MYO3A: variants seen among roughly 807,000 people sequenced by gnomAD.
MYO3A encodes myosin IIIA.
Under a neutral mutation model 192.7 loss-of-function variants are expected in MYO3A, and 180 were observed. The ratio of observed to expected loss-of-function variants is 0.93; its 90% CI spans 0.83 to 1.06. The LOEUF is 1.06. Among genes scored for constraint, MYO3A ranks in the 50% least tolerant of loss-of-function variants. The probability of loss-of-function intolerance (pLI) is 0.00; values close to 1 mark genes in which losing one functional copy is unlikely to be tolerated. For missense variants in MYO3A, 1,896 were observed against 1,905.0 expected, an observed-to-expected ratio of 1.00 and a Z score of 0.09; for synonymous variants, 628 against 645.3, an observed-to-expected ratio of 0.97 and a Z score of 0.41.
intron 4 of MYO3A, among the ~76,000 whole-genome samples, chr10:25,981,437 A>T (rs551456963): frequency 6.6e-6 from 1 of 152,322 alleles, no homozygotes; most frequent in Admixed American, 6.5e-5. Context: ...CATTTTATGA[A>T]TTTGTTTTAA....
intron 10 of MYO3A, among the ~76,000 whole-genome samples, chr10:26,063,980 G>A (rs990810775): frequency 3.3e-5 from 5 of 152,100 alleles, no homozygotes; most frequent in Admixed American, 1.3e-4. Context: ...CAGCTGCTGG[G>A]GACACAGCAG....
chr10:26,035,571 A>G (rs977826893), intron 10 of MYO3A, among the ~76,000 whole-genome samples: 1 of 152,226 alleles, frequency 6.6e-6, no homozygotes, highest in Non-Finnish European at 1.5e-5. Context: ...CCAAGTAATT[A>G]TACAATCATA....
chr10:26,017,551 A>G (rs1460753348), intron 7 of MYO3A, among the ~76,000 whole-genome samples: 8 of 152,168 alleles, frequency 5.3e-5, no homozygotes, highest in Admixed American at 2.6e-4. Context: ...CCAGTTTTCT[A>G]GGGAGTGAAG....
At chr10:26,006,509 G>A (rs1367538293) in intron 6 of MYO3A, among the ~76,000 whole-genome samples, 2 of 152,056 alleles carry the variant, frequency 1.3e-5, no homozygotes, top group Non-Finnish European at 2.9e-5. Flanking sequence ...AGAAAAGACA[G>A]AAGAATCAAA....
intron 14 of MYO3A, among the ~76,000 whole-genome samples, chr10:26,071,841 A>C (rs1835226073): frequency 1.3e-5 from 2 of 152,226 alleles, no homozygotes; most frequent in Non-Finnish European, 2.9e-5. Context: ...AAAATGGCTA[A>C]AATGGCTAGT....
chr10:26,205,608 CTTTTTTTTTTTTT>C (rs576007724), intron 34 of MYO3A, among the ~76,000 whole-genome samples: 3 of 68,630 alleles, frequency 4.4e-5, no homozygotes, highest in African/African-American at 1.3e-4. Context: ...CTTTTCTTTT[CTTTTTTTTTTTTT>C]TTTTTTTTTT....
chr10:26,156,790 C>T (rs1841155653), intron 25 of MYO3A, among the ~76,000 whole-genome samples: 1 of 152,090 alleles, frequency 6.6e-6, no homozygotes. Flanking sequence ...TTTCATCATG[C>T]AGGTATTAAG....
chr10:26,134,408 T>A (rs561504922), intron 20 of MYO3A, among the ~76,000 whole-genome samples: 282 of 152,218 alleles, frequency 1.9e-3, no homozygotes, highest in Middle Eastern at 3.4e-3. Context: ...CAGGAAGAAA[T>A]AGATTTCAAA....
intron 31 of MYO3A, among the ~76,000 whole-genome samples, chr10:26,182,670 T>C (rs1430990304): frequency 6.6e-6 from 1 of 152,216 alleles, no homozygotes; most frequent in African/African-American, 2.4e-5. Flanking sequence ...TTTAAATAAA[T>C]GAATACCCAC....
chr10:26,154,678 A>G, intron 24 of MYO3A, 68 bp from the exon 25 acceptor site: 1 of 1,421,996 alleles, frequency 7.0e-7, no homozygotes, highest in Non-Finnish European at 9.9e-7. Flanking sequence ...GGAAAATGCC[A>G]CATGCTGTCT....
At chr10:25,955,474 A>G (rs1216550491) in intron 4 of MYO3A, among the ~76,000 whole-genome samples, 6 of 152,106 alleles carry the variant, frequency 3.9e-5, no homozygotes, top group South Asian at 2.1e-4. Context: ...CCAGATATTT[A>G]TATTTACAGG....
intron 10 of MYO3A, among the ~76,000 whole-genome samples, chr10:26,029,702 C>T (rs764516647): frequency 5.3e-5 from 8 of 152,050 alleles, no homozygotes; most frequent in African/African-American, 7.2e-5. Context: ...AATGTAATTC[C>T]GCTTTTTTTC....
chr10:26,017,986 A>AATG (rs973385948), intron 7 of MYO3A, among the ~76,000 whole-genome samples: 1 of 149,536 alleles, frequency 6.7e-6, no homozygotes, highest in Non-Finnish European at 1.5e-5. Flanking sequence ...ATATATTAAT[A>AATG]TAATAATAAA....
intron 4 of MYO3A, among the ~76,000 whole-genome samples, chr10:25,982,618 A>G: frequency 6.6e-6 from 1 of 151,936 alleles, no homozygotes; most frequent in Non-Finnish European, 1.5e-5. Flanking sequence ...ACATTACAGA[A>G]CTCTTTGCAG....
intron 26 of MYO3A, among the ~76,000 whole-genome samples, chr10:26,163,497 G>A (rs1162549690): frequency 1.3e-5 from 2 of 152,180 alleles, no homozygotes; most frequent in African/African-American, 2.4e-5. Flanking sequence ...TTAAGGTAAT[G>A]GCAGCAGGCA....
chr10:26,050,119 T>A (rs1843902735), intron 10 of MYO3A, among the ~76,000 whole-genome samples: 1 of 152,138 alleles, frequency 6.6e-6, no homozygotes, highest in African/African-American at 2.4e-5. Flanking sequence ...ATTACTTTTA[T>A]AATTAGATAA....
chr10:26,010,068 A>T (rs138485072), intron 6 of MYO3A, among the ~76,000 whole-genome samples: 5 of 152,342 alleles, frequency 3.3e-5, no homozygotes, highest in African/African-American at 1.2e-4. Context: ...CTAGGTGCAT[A>T]GTTCATATGT....
intron 7 of MYO3A, among the ~76,000 whole-genome samples, chr10:26,020,443 A>T (rs1165659697): frequency 6.6e-6 from 1 of 152,132 alleles, no homozygotes; most frequent in African/African-American, 2.4e-5. Context: ...CCACACATGG[A>T]TTTTTTAAAT....
chr10:25,969,528 T>G (rs1248135071), intron 4 of MYO3A, among the ~76,000 whole-genome samples: 1 of 152,094 alleles, frequency 6.6e-6, no homozygotes, highest in Non-Finnish European at 1.5e-5. Flanking sequence ...AGTGATAAGT[T>G]AAAGATGCAT....
Sources: allele counts gnomAD v4.1 joint callset (sites outside exome capture counted in the v4.1 genomes callset), GRCh38; gene constraint gnomAD v4.1.1; transcripts MANE v1.5; gene names NCBI Gene and HGNC (gene_info 2026-07-23, HGNC 2026-07-21).